Variants in NXPE4 observed in about 807,000 individuals in gnomAD.
NXPE4 encodes NXPE family member 4.
A neutral mutation model predicts 33.3 loss-of-function variants in NXPE4; 42 were observed. The observed-to-expected ratio is 1.26, with a 90% confidence interval of 0.98 to 1.63. NXPE4 has a LOEUF of 1.63. Among genes scored for constraint, NXPE4 ranks in the 40% most tolerant of loss-of-function variants. The probability of loss-of-function intolerance (pLI) is 0.00; values close to 1 mark genes in which losing one functional copy is unlikely to be tolerated. For missense variants in NXPE4, 709 were observed against 647.6 expected (o/e 1.09, Z -1.03); for synonymous variants, 253 against 234.9 (o/e 1.08, Z -0.71).
chr11:114,669,270 T>C, the NXPE4 span, among the ~76,000 whole-genome samples: 3 of 152,102 alleles, frequency 2.0e-5, no homozygotes, highest in Non-Finnish European at 4.4e-5. Flanking sequence ...AAGAAAATCT[T>C]CTATATCTCA....
the NXPE4 span, among the ~76,000 whole-genome samples, chr11:114,645,327 A>C: frequency 0.013 from 1,917 of 152,130 alleles, 24 homozygotes; most frequent in Non-Finnish European, 0.019. Context: ...AAATAAAAAA[A>C]CCCAGTCCCC....
chr11:114,599,679 C>T (rs975003889), upstream of NXPE4, among the ~76,000 whole-genome samples: 1 of 152,158 alleles, frequency 6.6e-6, no homozygotes, highest in African/African-American at 2.4e-5. Flanking sequence ...AGGTGTCTTA[C>T]ATGGCCAGAG....
At chr11:114,584,364 A>C in intron 2 of NXPE4, 1 of 406,414 alleles carries the variant, frequency 2.5e-6, no homozygotes, top group Non-Finnish European at 4.9e-6. Flanking sequence ...TTGAGAACCT[A>C]GTAATGCAGG....
Position 114,582,581 on chromosome 11 carries a change from C to T in NXPE4, c.537G>A (p.Leu179=), listed in dbSNP as rs1949175265. 2 of 1,614,056 alleles carry T rather than the reference C, an allele frequency of 1.2e-6. No individual in the cohort carries two copies. The highest frequency in any genetic ancestry group is 2.7e-5 in the African/African-American group (2 of 74,938). The stretch of plus-strand genomic sequence containing the variant: ...CCCCTTCACTGGGGTGGATGAGCAG[C>T]AGAGACAGAGAGACCTGGCCCTCCC... ...LFWEGQVSLS[L]LLIHPSEGVS... is the part of the protein sequence containing the mutation. The change falls in exon 3 of 6, where the codon CTG becomes CTA. Residue 179 remains leucine (L), a synonymous_variant. Coordinates refer to ENST00000375478, the MANE Select transcript of NXPE4 (RefSeq NM_001077639.2).
intron 2 of NXPE4, 33 bp from the exon 3 acceptor site, chr11:114,583,054 T>A: frequency 6.3e-7 from 1 of 1,575,726 alleles, no homozygotes; most frequent in Non-Finnish European, 8.6e-7. Flanking sequence ...ATGAGATGGA[T>A]AAATTTAGAG....
At chr11:114,628,871 C>A in the NXPE4 span, among the ~76,000 whole-genome samples, 12,883 of 151,862 alleles carry the variant, frequency 0.085, 711 homozygotes, top group Middle Eastern at 0.2. Flanking sequence ...ATACAAACTA[C>A]CATCAGAGAA....
At chr11:114,644,631 T>A in the NXPE4 span, among the ~76,000 whole-genome samples, 3 of 152,284 alleles carry the variant, frequency 2.0e-5, no homozygotes, top group East Asian at 3.9e-4. Context: ...AAAGAAGGCA[T>A]GAATAAATGG....
At chr11:114,631,260 C>A in the NXPE4 span, among the ~76,000 whole-genome samples, 1 of 151,810 alleles carries the variant, frequency 6.6e-6, no homozygotes, top group Admixed American at 6.6e-5. Flanking sequence ...ATAGCAAAGA[C>A]TTGGAACCAA....
At chr11:114,610,539 A>G in the NXPE4 span, among the ~76,000 whole-genome samples, 1 of 151,900 alleles carries the variant, frequency 6.6e-6, no homozygotes, top group Non-Finnish European at 1.5e-5. Flanking sequence ...CCGGTGGATA[A>G]TAAGTGTTGC....
the NXPE4 span, among the ~76,000 whole-genome samples, chr11:114,633,552 T>C: frequency 6.6e-6 from 1 of 151,620 alleles, no homozygotes; most frequent in East Asian, 1.9e-4. Flanking sequence ...CATGCTTGTG[T>C]GCTGCACCCA....
chr11:114,662,479 A>T, the NXPE4 span, among the ~76,000 whole-genome samples: 1 of 152,176 alleles, frequency 6.6e-6, no homozygotes, highest in Non-Finnish European at 1.5e-5. Flanking sequence ...CAAGGACTGC[A>T]ACTTTTAGAT....
At chr11:114,655,812 A>AGCGAT in the NXPE4 span, among the ~76,000 whole-genome samples, 1 of 152,178 alleles carries the variant, frequency 6.6e-6, no homozygotes, top group African/African-American at 2.4e-5. Flanking sequence ...AAATCATAAG[A>AGCGAT]GCGATTTATG....
At chr11:114,628,507 A>C in the NXPE4 span, among the ~76,000 whole-genome samples, 1 of 151,994 alleles carries the variant, frequency 6.6e-6, no homozygotes, top group African/African-American at 2.4e-5. Flanking sequence ...AATCTCTGGG[A>C]CACATTCAAA....
At chr11:114,638,846 C>T in the NXPE4 span, among the ~76,000 whole-genome samples, 1 of 151,890 alleles carries the variant, frequency 6.6e-6, no homozygotes, top group Non-Finnish European at 1.5e-5. Context: ...GTGGAGTACC[C>T]AGCCGTGTGA....
At chr11:114,617,916 C>A in the NXPE4 span, among the ~76,000 whole-genome samples, 1 of 151,994 alleles carries the variant, frequency 6.6e-6, no homozygotes, top group Non-Finnish European at 1.5e-5. Context: ...TCATGGGTAA[C>A]CACTGTAATC....
At chr11:114,633,415 T>G in the NXPE4 span, among the ~76,000 whole-genome samples, 1 of 145,712 alleles carries the variant, frequency 6.9e-6, no homozygotes, top group Non-Finnish European at 1.5e-5. Context: ...TTTTATTATA[T>G]GTTATATACA....
the NXPE4 span, among the ~76,000 whole-genome samples, chr11:114,665,802 T>C: frequency 1.0e-3 from 154 of 152,294 alleles, 1 homozygote; most frequent in Admixed American, 8.2e-3. Flanking sequence ...CTTGGAACTT[T>C]CCCTTCCTAT....
At chr11:114,591,617 T>A (rs1403173400) in intron 2 of NXPE4, among the ~76,000 whole-genome samples, 1 of 152,172 alleles carries the variant, frequency 6.6e-6, no homozygotes, top group African/African-American at 2.4e-5. Flanking sequence ...CTCGAGGGTA[T>A]ACTTTCCAGC....
At chr11:114,614,725 C>A in the NXPE4 span, among the ~76,000 whole-genome samples, 1 of 151,062 alleles carries the variant, frequency 6.6e-6, no homozygotes, top group African/African-American at 2.4e-5. Context: ...TAAGTGTTGC[C>A]TCCTGCGTAA....
Sources: allele counts gnomAD v4.1 joint callset (sites outside exome capture counted in the v4.1 genomes callset), GRCh38; gene constraint gnomAD v4.1.1; transcripts MANE v1.5; gene names NCBI Gene and HGNC (gene_info 2026-07-23, HGNC 2026-07-21).